Variants in ADGRL2 observed in about 807,000 individuals in gnomAD.
ADGRL2 encodes calcium-independent alpha-latrotoxin receptor 2.
A neutral mutation model predicts 157.4 loss-of-function variants in ADGRL2; 44 were observed. The observed-to-expected ratio is 0.28, with a 90% CI of 0.22 to 0.36. The LOEUF (loss-of-function observed/expected upper bound fraction) is 0.36. ADGRL2 is among the 10% of genes least tolerant of loss of function. The probability of loss-of-function intolerance (pLI) is 1.00; values close to 1 mark genes in which losing one functional copy is unlikely to be tolerated. For missense variants in ADGRL2, 1,510 were observed against 1,768.9 expected, an observed-to-expected ratio of 0.85 and a Z score of 2.63; for synonymous variants, 585 against 624.7, an observed-to-expected ratio of 0.94 and a Z score of 0.95.
chr1:81,419,814 C>T (rs185748535), intron 1 of ADGRL2, among the ~76,000 whole-genome samples: 105 of 152,330 alleles, frequency 6.9e-4, no homozygotes, highest in Non-Finnish European at 1.3e-3. Flanking sequence ...TTTAGTCCAT[C>T]TAATCCCATC....
intron 2 of ADGRL2, among the ~76,000 whole-genome samples, chr1:81,455,293 G>A (rs904741528): frequency 7.2e-5 from 11 of 152,152 alleles, no homozygotes; most frequent in Non-Finnish European, 1.6e-4. Flanking sequence ...ACGTGGAAAG[G>A]AAACTAGGAC....
chr1:81,405,721 T>G (rs2076842629), intron 1 of ADGRL2, among the ~76,000 whole-genome samples: 1 of 151,996 alleles, frequency 6.6e-6, no homozygotes, highest in Non-Finnish European at 1.5e-5. Flanking sequence ...TAGGGATTAT[T>G]TTCATAAGGC....
intron 3 of ADGRL2, among the ~76,000 whole-genome samples, chr1:81,915,790 A>G (rs1405303886): frequency 1.3e-5 from 2 of 152,200 alleles, no homozygotes; most frequent in Non-Finnish European, 2.9e-5. Flanking sequence ...AATAAGATCA[A>G]AATCAATAGA....
In ADGRL2 at chr1:81,416,316, C is replaced by CAAA. The variant is rs61343094; in HGVS notation, c.-301-28711_-301-28709dup. ...GTATATACCCTGAACAACCTTCTTG[C>CAAA]AAAAAAAAAAAGAAAAGAAAAGAAA... On this transcript the variant is annotated intron_variant, in intron 1 of 24. Coordinates refer to the ADGRL2 transcript ENST00000370721. 7.8e-4 allele frequency among the ~76,000 whole-genome samples: 110 copies of CAAA among 141,242 alleles called. 1 individual carries two copies. Among genetic ancestry groups the CAAA allele is most frequent in the South Asian group, 1.4e-3 (6 of 4,426 alleles). The allele number at this position is 141,242 out of a possible 152,430, so 92.7% of individuals were successfully genotyped here.
At chr1:81,721,161 C>T (rs920980547) in intron 1 of ADGRL2, among the ~76,000 whole-genome samples, 12 of 150,592 alleles carry the variant, frequency 8.0e-5, no homozygotes, top group African/African-American at 2.2e-4. Context: ...TGTGAGCCAC[C>T]GCACCCCGCC....
intron 2 of ADGRL2, among the ~76,000 whole-genome samples, chr1:81,892,365 A>T (rs1392317826): frequency 6.6e-6 from 1 of 152,136 alleles, no homozygotes; most frequent in Non-Finnish European, 1.5e-5. Context: ...AGTAATACTT[A>T]AGAGGAGCAT....
intron 1 of ADGRL2, among the ~76,000 whole-genome samples, chr1:81,387,517 T>C (rs1330578542): frequency 6.6e-6 from 1 of 152,182 alleles, no homozygotes; most frequent in Non-Finnish European, 1.5e-5. Flanking sequence ...TTTCTTTCCA[T>C]AACTGTATGA....
intron 2 of ADGRL2, among the ~76,000 whole-genome samples, chr1:81,563,008 T>A (rs2148460748): frequency 6.6e-6 from 1 of 152,320 alleles, no homozygotes; most frequent in Middle Eastern, 3.4e-3. Context: ...TTGTGAAAGC[T>A]TATTGCTAGG....
chr1:81,760,280 G>T (rs1392330022), intron 1 of ADGRL2, among the ~76,000 whole-genome samples: 1 of 152,086 alleles, frequency 6.6e-6, no homozygotes, highest in Admixed American at 6.6e-5. Context: ...TGATTAAAGT[G>T]TGCATAGCTG....
chr1:81,451,650 G>A (rs1164032905), intron 2 of ADGRL2, among the ~76,000 whole-genome samples: 1 of 152,094 alleles, frequency 6.6e-6, no homozygotes, highest in Non-Finnish European at 1.5e-5. Context: ...TAATCAGTAG[G>A]AGATTTTGCC....
At position 81,943,795 on chromosome 1, in the gene ADGRL2, T is replaced by C. The variant is rs750826096; in HGVS notation, c.1210+26T>C. The C allele has an allele frequency of 5.2e-6, 8 of 1,540,110 alleles. No homozygotes were observed. The South Asian group carries it at 9.5e-5, about 18-fold the overall frequency. On this transcript the variant is annotated intron_variant, in intron 6 of 23. Transcript: ENST00000686636. The surrounding 1 kb of genome is among the most constrained non-coding windows in gnomAD (Gnocchi z 5.6). ...GTAAGCGTGTTTACTTGCTAATGCT[T>C]ATGTCATTTTGTGAAAAGCATTTTT...
chr1:81,308,130 GA>G (rs1246498054), intron 1 of ADGRL2, among the ~76,000 whole-genome samples: 1 of 152,128 alleles, frequency 6.6e-6, no homozygotes, highest in Non-Finnish European at 1.5e-5. Flanking sequence ...CACAGTGAGA[GA>G]AGAGGAATTT....
chr1:81,527,476 C>T (rs917805277), intron 2 of ADGRL2, among the ~76,000 whole-genome samples: 1 of 152,160 alleles, frequency 6.6e-6, no homozygotes, highest in Non-Finnish European at 1.5e-5. Flanking sequence ...CTTTGGGAGA[C>T]CAAGGCAGGT....
chr1:81,543,130 A>G (rs2079927752), intron 2 of ADGRL2, among the ~76,000 whole-genome samples: 1 of 152,078 alleles, frequency 6.6e-6, no homozygotes, highest in South Asian at 2.1e-4. Flanking sequence ...ATGTGACTAT[A>G]GGACCCTGGA....
intron 2 of ADGRL2, among the ~76,000 whole-genome samples, chr1:81,494,394 T>G (rs2078691740): frequency 6.6e-6 from 1 of 152,152 alleles, no homozygotes; most frequent in African/African-American, 2.4e-5. Flanking sequence ...TTGGAATGGC[T>G]TTTCCCTGGA....
intron 1 of ADGRL2, chr1:81,426,793 G>A (rs1231004670): frequency 1.0e-5 from 5 of 478,862 alleles, no homozygotes; most frequent in African/African-American, 2.0e-5. Context: ...TCTTTCTAGA[G>A]AGGAGTCGAT....
chr1:81,520,368 C>T (rs1255133993), intron 2 of ADGRL2, among the ~76,000 whole-genome samples: 1 of 152,072 alleles, frequency 6.6e-6, no homozygotes, highest in Non-Finnish European at 1.5e-5. Context: ...CATCCCCGCC[C>T]CTCTGCCACA....
At chr1:81,414,356 T>C (rs2076998407) in intron 1 of ADGRL2, 1 of 152,230 alleles carries the variant, frequency 6.6e-6, no homozygotes, top group Non-Finnish European at 1.5e-5. Context: ...TTCGAGGTAA[T>C]AAAAGTGAAT....
chr1:81,700,275 T>G (rs1002525604), intron 1 of ADGRL2, among the ~76,000 whole-genome samples: 1 of 152,212 alleles, frequency 6.6e-6, no homozygotes, highest in Non-Finnish European at 1.5e-5. Context: ...ATGGCTTTAT[T>G]GTGGAAGAGT....
Sources: allele counts gnomAD v4.1 joint callset (sites outside exome capture counted in the v4.1 genomes callset), GRCh38; gene constraint gnomAD v4.1.1; non-coding constraint Gnocchi (gnomAD v3.1); transcripts MANE v1.5; gene names NCBI Gene and HGNC (gene_info 2026-07-23, HGNC 2026-07-21).